GPR84: variants seen among roughly 807,000 people sequenced by gnomAD.
The protein encoded by GPR84 is G-protein coupled receptor 84.
A neutral mutation model predicts 14.9 loss-of-function variants in GPR84; 8 were observed. The ratio of observed to expected loss-of-function variants is 0.54; its 90% CI spans 0.31 to 0.97. GPR84 has a LOEUF of 0.97. GPR84 is among the 50% of genes least tolerant of loss of function. The pLI, the probability that GPR84 is intolerant of heterozygous loss-of-function variation, is 0.04. For synonymous variants in GPR84, 164 were observed against 198.1 expected, an observed-to-expected ratio of 0.83 and a Z score of 1.45; for missense variants, 424 against 498.7, an observed-to-expected ratio of 0.85 and a Z score of 1.43.
the GPR84 span, among the ~76,000 whole-genome samples, chr12:54,352,406 T>A: frequency 1.3e-5 from 2 of 152,144 alleles, no homozygotes; most frequent in African/African-American, 4.8e-5. Context: ...TGGCCCTGCA[T>A]CTTAATGGGG....
rs1954289355 is a variant in GPR84 at position 54,363,158 on chromosome 12, C to T, written c.694G>A (p.Glu232Lys). The change falls in exon 2 of 2, where the codon GAG becomes AAG. Residue 232 changes from glutamate (E) to lysine (K), a missense_variant. Transcript: ENST00000267015. ...IHSNHVARTD[E>K]AMPGRFQELD... is the part of the protein sequence containing the mutation. The stretch of plus-strand genomic sequence containing the variant: ...TCCTGGAAACGACCAGGCATGGCCT[C>T]ATCAGTCCTGGCCACATGGTTGGAG... The T allele has an allele frequency of 6.2e-7, 1 of 1,614,220 alleles. No homozygotes were observed. The highest frequency in any genetic ancestry group is 8.5e-7 in the Non-Finnish European group (1 of 1,180,018).
chr12:54,353,027 G>A, the GPR84 span, among the ~76,000 whole-genome samples: 1 of 152,226 alleles, frequency 6.6e-6, no homozygotes, highest in African/African-American at 2.4e-5. Context: ...GGTGATCTGT[G>A]ATGGTGTGGA....
At chr12:54,357,844 T>G (rs1954225530), downstream of GPR84, among the ~76,000 whole-genome samples, 1 of 152,328 alleles carries the variant, frequency 6.6e-6, no homozygotes, top group South Asian at 2.1e-4. Flanking sequence ...GCAAAAATGT[T>G]GTAACTGCAC....
At position 54,363,363 on chromosome 12, in the gene GPR84, A is replaced by G; in HGVS notation, c.489T>C (p.Pro163=). The change falls in exon 2 of 2, where the codon CCT becomes CCC. Residue 163 remains proline, a synonymous_variant. Transcript: ENST00000267015. ...GGTCAAAGCTGCAGGTGCAGACTAC[A>G]GGTACCAGGATATAAATAGGCCAGA... ...APLWPIYILV[P]VVCTCSFDRI... The G allele has an allele frequency of 1.9e-6, 3 of 1,614,038 alleles. No homozygotes were observed. The highest frequency in any genetic ancestry group is 2.5e-6 in the Non-Finnish European group (3 of 1,179,920).
the GPR84 span, chr12:54,351,723 T>A: frequency 6.6e-6 from 1 of 152,202 alleles, no homozygotes; most frequent in Non-Finnish European, 1.5e-5. Context: ...TCTCCAGCAC[T>A]GAGGTGGGGC....
downstream of GPR84, among the ~76,000 whole-genome samples, chr12:54,362,121 G>A (rs1954275669): frequency 6.6e-6 from 1 of 152,214 alleles, no homozygotes; most frequent in Non-Finnish European, 1.5e-5. The surrounding 1 kb of genome is among the most constrained non-coding windows in gnomAD (Gnocchi z 4.0). Context: ...AGGGGCAGAG[G>A]CCATTTCTGG....
At chr12:54,358,004 C>T (rs1430476272), downstream of GPR84, among the ~76,000 whole-genome samples, 3 of 152,142 alleles carry the variant, frequency 2.0e-5, no homozygotes, top group South Asian at 2.1e-4. Context: ...TCCTCACCTC[C>T]GTCTGTGCTT....
At chr12:54,358,476 CCT>C (rs1954232184), downstream of GPR84, among the ~76,000 whole-genome samples, 1 of 152,126 alleles carries the variant, frequency 6.6e-6, no homozygotes, top group African/African-American at 2.4e-5. Context: ...TGTCGCTCTC[CCT>C]CTCTCTTTTC....
chr12:54,363,852 G>A lies in GPR84; in HGVS notation c.-1C>T, dbSNP rs1410310789. The A allele has an allele frequency of 6.3e-7, 1 of 1,576,984 alleles. No homozygotes were observed. Among genetic ancestry groups the A allele is most frequent in the South Asian group, 1.2e-5 (1 of 86,482 alleles). ...AGTTGGCGTCAGAGCTGTTCCACAT[G>A]ATAGAGGCTAAAGAGGCAGAGGGTG... On this transcript the variant is annotated 5_prime_UTR_variant, in exon 2 of 2. Transcript: ENST00000267015.
At chr12:54,356,289 A>G in the GPR84 span, among the ~76,000 whole-genome samples, 1 of 152,204 alleles carries the variant, frequency 6.6e-6, no homozygotes, top group Non-Finnish European at 1.5e-5. Context: ...TTCTAGCTCT[A>G]GCCCCTCTGA....
At chr12:54,355,747 G>T in the GPR84 span, among the ~76,000 whole-genome samples, 1 of 152,280 alleles carries the variant, frequency 6.6e-6, no homozygotes, top group Non-Finnish European at 1.5e-5. Context: ...ACAAAGACAG[G>T]ATTTATCACC....
At chr12:54,358,889 C>G (rs1954237437), downstream of GPR84, among the ~76,000 whole-genome samples, 1 of 152,112 alleles carries the variant, frequency 6.6e-6, no homozygotes, top group African/African-American at 2.4e-5. Context: ...AATCCTCTCT[C>G]CCTGTTCAGT....
downstream of GPR84, among the ~76,000 whole-genome samples, chr12:54,359,930 G>T (rs566935800): frequency 2.1e-5 from 3 of 144,902 alleles, no homozygotes; most frequent in African/African-American, 7.8e-5. Context: ...TGTCTCCTGA[G>T]TTTTTTTTTT....
Position 54,362,573 on chromosome 12 carries a change from CAT to C in GPR84, c.*86_*87del, listed in dbSNP as rs1490260885. 3.8e-5 allele frequency: 30 copies of C among 790,526 alleles called. No individual in the cohort carries two copies. The African/African-American group carries it at 4.1e-4, about 11-fold the overall frequency. 49.0% of individuals were successfully genotyped at this position (790,526 alleles called of 1,614,324 possible). A position where few individuals can be genotyped will look rare whatever the true frequency, so the allele number is the denominator to read the frequency against. On this transcript the variant is annotated 3_prime_UTR_variant, in exon 2 of 2. Transcript: ENST00000267015. The surrounding 1 kb of genome is among the most constrained non-coding windows in gnomAD (Gnocchi z 4.0). ...GGAGAGATTGTTGTGAAAATGCCCA[CAT>C]GTGTTATTTCACCTATTCTCCTATT...
the GPR84 span, among the ~76,000 whole-genome samples, chr12:54,352,517 AGGGG>A: frequency 7.2e-5 from 11 of 151,896 alleles, no homozygotes; most frequent in Non-Finnish European, 1.5e-4. Flanking sequence ...ATTTTTAAGG[AGGGG>A]GGAGTGTGGG....
the GPR84 span, among the ~76,000 whole-genome samples, chr12:54,355,353 TGC>T: frequency 6.6e-6 from 1 of 151,422 alleles, no homozygotes; most frequent in Non-Finnish European, 1.5e-5. Context: ...TGTGTGTGTG[TGC>T]GCATGGCACA....
chr12:54,358,786 C>T (rs921178935), downstream of GPR84, among the ~76,000 whole-genome samples: 1 of 151,476 alleles, frequency 6.6e-6, no homozygotes, highest in Non-Finnish European at 1.5e-5. Flanking sequence ...CCTTAACCCT[C>T]TCTCTCTTCC....
chr12:54,357,322 T>C, the GPR84 span, among the ~76,000 whole-genome samples: 1 of 152,104 alleles, frequency 6.6e-6, no homozygotes, highest in Non-Finnish European at 1.5e-5. Context: ...TTGGAGGGCA[T>C]GGGGGATGGG....
At chr12:54,354,802 G>C in the GPR84 span, among the ~76,000 whole-genome samples, 1 of 151,836 alleles carries the variant, frequency 6.6e-6, no homozygotes, top group African/African-American at 2.4e-5. Context: ...CCTTAGTTGT[G>C]CTTCTCTTTC....
Sources: gnomAD v4.1 joint callset for allele counts (sites outside exome capture counted in the v4.1 genomes callset) on GRCh38, gnomAD v4.1.1 for gene constraint, Gnocchi (gnomAD v3.1) non-coding constraint, MANE v1.5 for transcripts, NCBI Gene and HGNC (gene_info 2026-07-23, HGNC 2026-07-21) for gene names.